The following NBPF12 variants were observed in gnomAD, a reference collection of about 807,000 sequenced individuals.
NBPF12 encodes the protein NBPF family member NBPF12.
A neutral mutation model predicts 146.4 loss-of-function variants in NBPF12; 115 were observed. The ratio of observed to expected loss-of-function variants is 0.79; its 90% CI spans 0.68 to 0.92. The LOEUF (loss-of-function observed/expected upper bound fraction) is 0.92, where lower values mean the gene tolerates loss of function less well. Ranked by LOEUF, NBPF12 falls within the 40% of genes least tolerant of loss-of-function variation. NBPF12 has a pLI of 0.00. For synonymous variants in NBPF12, 385 were observed against 508.9 expected, an observed-to-expected ratio of 0.76 and a Z score of 3.28; for missense variants, 1,205 against 1,326.8, an observed-to-expected ratio of 0.91 and a Z score of 1.43.
At chr1:146,978,492 T>G (rs1243839565) in intron 18 of NBPF12, among the ~76,000 whole-genome samples, 4 of 149,654 alleles carry the variant, frequency 2.7e-5, no homozygotes, top group Non-Finnish European at 5.9e-5. Flanking sequence ...CCTGAACTCA[T>G]GACCTCAAAT....
chr1:146,963,089 C>A lies in NBPF12; in HGVS notation c.279-6C>A. The A allele has an allele frequency of 3.1e-6, 5 of 1,609,996 alleles. No individual in the cohort carries two copies. Among genetic ancestry groups the A allele is most frequent in the South Asian group, 2.2e-5 (2 of 90,946 alleles). ...CTGTTAAATTTTCTCTACCGTCTCACCTTAGGCAATATAAAGTCCTGGTTC... is the reference window on the plus strand; with the variant it reads ...CTGTTAAATTTTCTCTACCGTCTCAACTTAGGCAATATAAAGTCCTGGTTC... On this transcript the variant is annotated splice_region_variant and splice_polypyrimidine_tract_variant and intron_variant, in intron 5 of 33. Transcript: ENST00000617844.
At chr1:146,975,861 G>C in exon 16 of NBPF12, 1 of 1,610,780 alleles carries the variant, frequency 6.2e-7, no homozygotes, top group East Asian at 2.2e-5. Context: ...GTGTAGACTG[G>C]CACAACACCT....
rs1417936544 is a variant in NBPF12 at position 146,970,921 on chromosome 1, G to A, written c.1379+202G>A. Reference sequence around the variant, plus strand: ...CCAAGTGTCATGTCTGTACCATACAGGGATAGCTGAGTCTTCATCCTCCTC... The same window carrying A: ...CCAAGTGTCATGTCTGTACCATACAAGGATAGCTGAGTCTTCATCCTCCTC... On this transcript the variant is annotated intron_variant, in intron 12 of 33. Transcript: ENST00000617844. Among the ~76,000 whole-genome samples the A allele has an allele frequency of 5.3e-5, 8 of 151,494 alleles. No individual in the cohort carries two copies. In the South Asian group the frequency reaches 1.0e-3, roughly 20 times the overall value.
chr1:146,987,671 C>A (rs1243652039), intron 25 of NBPF12, among the ~76,000 whole-genome samples: 1 of 151,450 alleles, frequency 6.6e-6, no homozygotes, highest in Non-Finnish European at 1.5e-5. Flanking sequence ...TCACTGAGCT[C>A]GTTTTCTCTC....
At chr1:146,993,982 G>T (rs1415596581) in intron 33 of NBPF12, among the ~76,000 whole-genome samples, 3 of 67,180 alleles carry the variant, frequency 4.5e-5, no homozygotes. Flanking sequence ...AAACTATTGA[G>T]CTCACTCTTT....
chr1:146,960,239 A>G, exon 4 of NBPF12: 1 of 1,347,152 alleles, frequency 7.4e-7, no homozygotes, highest in Non-Finnish European at 1.0e-6. Context: ...CAGAGAACAA[A>G]CAGCAGTTCA....
chr1:146,973,928 G>A (rs1192421210), intron 14 of NBPF12, among the ~76,000 whole-genome samples: 1 of 150,770 alleles, frequency 6.6e-6, no homozygotes, highest in African/African-American at 2.5e-5. Flanking sequence ...AGGTAGCAGT[G>A]CAGTGTACAG....
upstream of NBPF12, among the ~76,000 whole-genome samples, chr1:146,945,155 GCT>G (rs1290705610): frequency 3.5e-5 from 5 of 141,162 alleles, no homozygotes; most frequent in African/African-American, 8.0e-5. Flanking sequence ...TCTCTCTCAT[GCT>G]CTCTCTTTTT....
Position 146,992,591 on chromosome 1 carries a change from T to G in NBPF12, c.3849-121T>G, listed in dbSNP as rs1254845670. ...ATGAAGGCAATAATTTGTTACCTCA[T>G]TAATGGATCTATCCTTTTACTTTTT... On this transcript the variant is annotated intron_variant, in intron 31 of 33. Transcript: ENST00000617844. 86 of 675,582 alleles carry G rather than the reference T, an allele frequency of 1.3e-4. 6 individuals are homozygous for G. In the Admixed American group the frequency reaches 1.9e-3, roughly 15 times the overall value. 41.8% of individuals were successfully genotyped at this position (675,582 alleles called of 1,614,324 possible).
In NBPF12 at chr1:146,969,748, G is replaced by A. The variant is rs1553886118; in HGVS notation, c.1306+152G>A. Among the ~76,000 whole-genome samples the A allele has an allele frequency of 5.9e-3, 893 of 150,320 alleles. 28 individuals are homozygous for A. The highest frequency in any genetic ancestry group is 0.02 in the African/African-American group (833 of 40,748). On this transcript the variant is annotated intron_variant, in intron 11 of 33. Transcript: ENST00000617844. ...TGACCAGGACTTCCTGGGTAAGAAC[G>A]GAGATGGGAAACCCATGGGTTTGGA...
intron 10 of NBPF12, among the ~76,000 whole-genome samples, chr1:146,968,936 T>C (rs1656384143): frequency 1.3e-5 from 2 of 151,208 alleles, no homozygotes; most frequent in African/African-American, 4.9e-5. Context: ...TCACTCAATG[T>C]TGCCTTCTCG....
chr1:146,969,050 G>T (rs1570854825), intron 10 of NBPF12, among the ~76,000 whole-genome samples: 1 of 151,414 alleles, frequency 6.6e-6, no homozygotes, highest in Non-Finnish European at 1.5e-5. Context: ...GATGCACTAT[G>T]TGTATTTTCA....
rs1491258738 is a variant in NBPF12, at chr1:146,957,893, A to AT, written c.-183-1965dup. Among the ~76,000 whole-genome samples, 54 of 22,680 alleles carry AT rather than the reference A, an allele frequency of 2.4e-3. 9 individuals are homozygous for AT. Among genetic ancestry groups the AT allele is most frequent in the African/African-American group, 0.014 (49 of 3,440 alleles). 14.9% of individuals were successfully genotyped at this position (22,680 alleles called of 152,430 possible). A position where few individuals can be genotyped will look rare whatever the true frequency, so the allele number is the denominator to read the frequency against. ...TATATTGTATATTATGTATATACAC[A>AT]TATATATACACGTATGTATATACAC... On this transcript the variant is annotated intron_variant, in intron 2 of 33. Coordinates refer to ENST00000617844, the Ensembl canonical transcript of NBPF12.
At chr1:146,944,811 T>C (rs1400454680), upstream of NBPF12, among the ~76,000 whole-genome samples, 3 of 151,648 alleles carry the variant, frequency 2.0e-5, no homozygotes, top group Non-Finnish European at 4.4e-5. Context: ...TCTTCCCTAC[T>C]TCTCTCCCTT....
upstream of NBPF12, among the ~76,000 whole-genome samples, chr1:146,945,546 T>G (rs1553883276): frequency 6.6e-6 from 1 of 151,608 alleles, no homozygotes; most frequent in East Asian, 2.0e-4. Flanking sequence ...TTGGTGCACT[T>G]CAATGCCAAG....
At chr1:146,954,997 T>TATATATATATATATATAC (rs1194708740) in intron 2 of NBPF12, among the ~76,000 whole-genome samples, 1 of 52,816 alleles carries the variant, frequency 1.9e-5, no homozygotes, top group African/African-American at 6.9e-5. Context: ...TATATATATA[T>TATATATATATATATATAC]ATATATATAT....
In NBPF12 at chr1:146,962,284, G is replaced by A. The variant is rs1331817944; in HGVS notation, c.278+21G>A. 1.3e-5 allele frequency: 21 copies of A among 1,589,612 alleles called. No individual in the cohort carries two copies. The East Asian group carries it at 4.0e-4, about 30-fold the overall frequency. On this transcript the variant is annotated intron_variant, in intron 5 of 33. Coordinates refer to ENST00000617844, the Ensembl canonical transcript of NBPF12. ...CTCAGGTGAGGGGACCCCATGGGGG[G>A]AGGCAGGCGGGTAGGTGTGTAGATC... is the stretch of plus-strand genomic sequence containing the variant.
At chr1:146,992,458 C>CAG (rs1319711936) in intron 31 of NBPF12, among the ~76,000 whole-genome samples, 28 of 99,504 alleles carry the variant, frequency 2.8e-4, no homozygotes, top group Non-Finnish European at 3.8e-4. Context: ...CTCTCTCTCT[C>CAG]TCTCTGTGTG....
chr1:146,987,693 C>A (rs1472335331), intron 25 of NBPF12, among the ~76,000 whole-genome samples: 1 of 137,064 alleles, frequency 7.3e-6, no homozygotes, highest in African/African-American at 2.7e-5. Context: ...CTCTCTCTCT[C>A]TTTCTCTCTC....
Sources: allele counts gnomAD v4.1 joint callset (sites outside exome capture counted in the v4.1 genomes callset), GRCh38; gene constraint gnomAD v4.1.1; transcripts MANE v1.5; gene names NCBI Gene and HGNC (gene_info 2026-07-23, HGNC 2026-07-21).